The following ADAMTS17 variants were observed in gnomAD, a reference collection of about 807,000 sequenced individuals.
ADAMTS17 encodes A disintegrin and metalloproteinase with thrombospondin motifs 17.
In ADAMTS17, 113 loss-of-function variants were observed where a neutral mutation model predicts 141.5. That is an observed-to-expected ratio of 0.80 (90% confidence interval 0.69 to 0.93). The LOEUF is 0.93. Ranked by LOEUF, ADAMTS17 falls within the 40% of genes least tolerant of loss-of-function variation. ADAMTS17 has a pLI of 0.00. For missense variants in ADAMTS17, 1,659 were observed against 1,517.9 expected, an observed-to-expected ratio of 1.09 and a Z score of -1.54; for synonymous variants, 768 against 630.6, an observed-to-expected ratio of 1.22 and a Z score of -3.27.
At chr15:99,988,085 A>G (rs903161365) in intron 20 of ADAMTS17, among the ~76,000 whole-genome samples, 6 of 152,024 alleles carry the variant, frequency 3.9e-5, no homozygotes, top group Admixed American at 3.3e-4. Flanking sequence ...AGACCTCTCC[A>G]TAACAGCTCG....
intron 14 of ADAMTS17, among the ~76,000 whole-genome samples, chr15:100,101,211 A>G (rs1446756612): frequency 6.6e-6 from 1 of 152,170 alleles, no homozygotes; most frequent in Non-Finnish European, 1.5e-5. Flanking sequence ...GAGAAATGCC[A>G]TGCCACCTGC....
intron 10 of ADAMTS17, among the ~76,000 whole-genome samples, chr15:100,145,847 A>C (rs184224682): frequency 3.9e-5 from 6 of 152,330 alleles, no homozygotes; most frequent in Admixed American, 2.6e-4. Context: ...TTGACATTCT[A>C]ATCTTTAACG....
At chr15:100,103,543 T>G (rs1342900626) in intron 14 of ADAMTS17, among the ~76,000 whole-genome samples, 1 of 151,592 alleles carries the variant, frequency 6.6e-6, no homozygotes, top group Non-Finnish European at 1.5e-5. Flanking sequence ...ACTGAAATCC[T>G]AAGAACACAT....
chr15:100,210,074 A>G (rs1349508717), intron 7 of ADAMTS17, among the ~76,000 whole-genome samples: 1 of 151,970 alleles, frequency 6.6e-6, no homozygotes, highest in Non-Finnish European at 1.5e-5. Context: ...CTCTACTAAA[A>G]GTACAAAAAA....
intron 2 of ADAMTS17, among the ~76,000 whole-genome samples, chr15:100,333,668 G>T (rs924118648): frequency 6.6e-6 from 1 of 152,230 alleles, no homozygotes; most frequent in Non-Finnish European, 1.5e-5. Flanking sequence ...ACGACTGCGC[G>T]TGGCCCCAAA....
chr15:100,150,520 A>T (rs931037098), intron 10 of ADAMTS17, among the ~76,000 whole-genome samples: 3 of 152,176 alleles, frequency 2.0e-5, no homozygotes, highest in African/African-American at 7.2e-5. Flanking sequence ...TGTGTGTGAC[A>T]GTGCAAGGAC....
chr15:100,333,248 T>C (rs111678134), intron 2 of ADAMTS17, among the ~76,000 whole-genome samples: 1 of 152,150 alleles, frequency 6.6e-6, no homozygotes, highest in Non-Finnish European at 1.5e-5. Flanking sequence ...TCAGAATTAT[T>C]CCTCCTGTTT....
chr15:100,268,216 T>C (rs749830181), intron 4 of ADAMTS17, among the ~76,000 whole-genome samples: 21 of 152,200 alleles, frequency 1.4e-4, no homozygotes, highest in Admixed American at 2.0e-4. Context: ...GGCATCTAGG[T>C]TGATTCCATG....
At chr15:100,328,858 G>A (rs561340172) in intron 3 of ADAMTS17, among the ~76,000 whole-genome samples, 8 of 152,274 alleles carry the variant, frequency 5.3e-5, no homozygotes, top group African/African-American at 1.2e-4. Flanking sequence ...GAACGGTGGC[G>A]TGAGCAGAGA....
chr15:100,074,928 G>A (rs2034261036), intron 15 of ADAMTS17, among the ~76,000 whole-genome samples: 2 of 152,048 alleles, frequency 1.3e-5, no homozygotes, highest in South Asian at 4.1e-4. Flanking sequence ...TTACATATTT[G>A]TACTTTCCTA....
rs924449831 is a variant in ADAMTS17, at chr15:100,303,913, G to A, written c.617-22512C>T. Among the ~76,000 whole-genome samples, 22 of 152,150 alleles carry A rather than the reference G, an allele frequency of 1.4e-4. No homozygotes were observed. The East Asian group carries it at 3.1e-3, about 21-fold the overall frequency. On this transcript the variant is annotated intron_variant, in intron 3 of 21. Coordinates refer to ENST00000268070, the MANE Select transcript of ADAMTS17 (RefSeq NM_139057.4). ...AATTTTTTGTATTTTTAGTAGAGAC[G>A]GCGTTTCGCCACGTTGGGCAGGCTG...
chr15:100,119,301 C>T (rs1213477980), intron 12 of ADAMTS17, among the ~76,000 whole-genome samples: 2 of 152,102 alleles, frequency 1.3e-5, no homozygotes, highest in African/African-American at 4.8e-5. Context: ...CCGGACGACA[C>T]AAGGACCAGA....
intron 10 of ADAMTS17, among the ~76,000 whole-genome samples, chr15:100,152,363 G>C (rs920772225): frequency 3.3e-5 from 5 of 151,918 alleles, no homozygotes; most frequent in Non-Finnish European, 7.4e-5. Context: ...ATGTGTGCCT[G>C]CAACTGCATG....
rs193163150 is a variant in ADAMTS17, at chr15:100,251,102, T to C, written c.1075+3034A>G. 1.0e-3 allele frequency among the ~76,000 whole-genome samples: 152 copies of C among 152,228 alleles called. 1 individual carries two copies. Among genetic ancestry groups the C allele is most frequent in the Middle Eastern group, 6.8e-3 (2 of 294 alleles). On this transcript the variant is annotated intron_variant, in intron 7 of 21. Transcript: ENST00000268070. The stretch of plus-strand genomic sequence containing the variant: ...TTTTTTTAAAAAAGAAAAAAAGGCA[T>C]CAGCTCCCTTGGAGAAGCTGAAAAT...
At chr15:100,304,673 C>T (rs138252020) in intron 3 of ADAMTS17, among the ~76,000 whole-genome samples, 3 of 152,282 alleles carry the variant, frequency 2.0e-5, no homozygotes, top group Admixed American at 6.5e-5. Context: ...TTATTCTCAT[C>T]GCTAATTCAA....
intron 3 of ADAMTS17, among the ~76,000 whole-genome samples, chr15:100,282,185 T>C (rs771934744): frequency 6.6e-6 from 1 of 152,216 alleles, no homozygotes; most frequent in Non-Finnish European, 1.5e-5. Context: ...ATGAACAGCA[T>C]GCATTTTCAG....
At chr15:100,095,986 A>G (rs536539829) in intron 15 of ADAMTS17, among the ~76,000 whole-genome samples, 1 of 152,310 alleles carries the variant, frequency 6.6e-6, no homozygotes, top group South Asian at 2.1e-4. Flanking sequence ...ACACAGAGCA[A>G]ACGTCTTCCA....
chr15:100,161,368 G>A (rs145070814), intron 8 of ADAMTS17, among the ~76,000 whole-genome samples: 8 of 152,104 alleles, frequency 5.3e-5, no homozygotes, highest in East Asian at 1.9e-4. Context: ...TCAGGTGTAG[G>A]CGTCAGGTCC....
intron 7 of ADAMTS17, among the ~76,000 whole-genome samples, chr15:100,203,963 G>A (rs1004030893): frequency 2.2e-4 from 34 of 151,260 alleles, no homozygotes; most frequent in Admixed American, 3.9e-4. Flanking sequence ...TTAATTTATC[G>A]AGAGAAGAGG....
Sources: gnomAD v4.1 joint callset for allele counts (sites outside exome capture counted in the v4.1 genomes callset) on GRCh38, gnomAD v4.1.1 for gene constraint, MANE v1.5 for transcripts, NCBI Gene and HGNC (gene_info 2026-07-23, HGNC 2026-07-21) for gene names.